PCDHGA2: variants seen among roughly 807,000 people sequenced by gnomAD.
PCDHGA2 encodes protocadherin gamma-A2.
A neutral mutation model predicts 59.2 loss-of-function variants in PCDHGA2; 40 were observed. The ratio of observed to expected loss-of-function variants is 0.68; its 90% CI spans 0.52 to 0.88. The LOEUF (loss-of-function observed/expected upper bound fraction) is 0.88, where lower values mean the gene tolerates loss of function less well. Ranked by LOEUF, PCDHGA2 falls within the 40% of genes least tolerant of loss-of-function variation. The probability of loss-of-function intolerance (pLI) is 0.00; values close to 1 mark genes in which losing one functional copy is unlikely to be tolerated. For missense variants in PCDHGA2, 1,226 were observed against 1,204.0 expected, an observed-to-expected ratio of 1.02 and a Z score of -0.27; for synonymous variants, 560 against 526.0, an observed-to-expected ratio of 1.06 and a Z score of -0.89.
chr5:141,353,683 A>G (rs1230591796), intron 1 of PCDHGA2, among the ~76,000 whole-genome samples: 1 of 152,236 alleles, frequency 6.6e-6, no homozygotes, highest in African/African-American at 2.4e-5. Flanking sequence ...TTGGGTTTAT[A>G]AAGCGTTTTC....
intron 1 of PCDHGA2, chr5:141,360,747 G>T: frequency 6.2e-7 from 1 of 1,613,922 alleles, no homozygotes; most frequent in South Asian, 1.1e-5. Flanking sequence ...ACAGAGAAGA[G>T]CACAGTTTAC....
intron 1 of PCDHGA2, among the ~76,000 whole-genome samples, chr5:141,369,266 C>T (rs1021396846): frequency 2.0e-5 from 3 of 152,132 alleles, no homozygotes; most frequent in African/African-American, 7.2e-5. Context: ...ATTATAAGGA[C>T]TTACAATTCA....
chr5:141,492,320 G>A (rs1001784912), intron 1 of PCDHGA2, among the ~76,000 whole-genome samples: 1 of 152,206 alleles, frequency 6.6e-6, no homozygotes. Flanking sequence ...CTCCTCGCAC[G>A]TGGGCTTACG....
Position 141,339,679 on chromosome 5 carries a change from C to A in PCDHGA2, c.708C>A (p.Asn236Lys), listed in dbSNP as rs780890737. The A allele has an allele frequency of 1.2e-6, 2 of 1,614,156 alleles. No homozygotes were observed. Among genetic ancestry groups the A allele is most frequent in the Non-Finnish European group, 8.5e-7 (1 of 1,180,030 alleles). The change falls in exon 1 of 4, where the codon AAC becomes AAA. Residue 236 changes from asparagine to lysine, a missense_variant. By Grantham distance (94) the Asn-to-Lys change is moderately conservative. Coordinates refer to ENST00000394576, the MANE Select transcript of PCDHGA2 (RefSeq NM_018915.4). ...SRICVKVLDANDNAPVFTQPE... is the reference protein window; with the variant it reads ...SRICVKVLDAKDNAPVFTQPE... Reference sequence around the variant, plus strand: ...TCTGCGTGAAGGTCCTGGATGCGAACGACAATGCGCCTGTTTTTACACAGC... The same window carrying A: ...TCTGCGTGAAGGTCCTGGATGCGAAAGACAATGCGCCTGTTTTTACACAGC...
intron 1 of PCDHGA2, chr5:141,371,031 ACAG>A (rs763935015): frequency 6.2e-7 from 1 of 1,613,990 alleles, no homozygotes; most frequent in East Asian, 2.2e-5. Context: ...CCTGGTCCTC[ACAG>A]CTGTGGATGG....
At chr5:141,440,106 T>A (rs1288263875) in intron 1 of PCDHGA2, 1 of 152,228 alleles carries the variant, frequency 6.6e-6, no homozygotes, top group East Asian at 1.9e-4. Flanking sequence ...AGTGGAGACT[T>A]ACTTGTGAAT....
At chr5:141,418,632 G>A in intron 1 of PCDHGA2, 1 of 1,614,028 alleles carries the variant, frequency 6.2e-7, no homozygotes, top group Non-Finnish European at 8.5e-7. Flanking sequence ...GTGCCTCCAG[G>A]CACCTCCATC....
rs1266068276 is a variant in PCDHGA2 at position 141,418,847 on chromosome 5, C to T, written c.2425-75960C>T. 1.2e-6 allele frequency: 2 copies of T among 1,613,972 alleles called. No individual in the cohort carries two copies. The highest frequency in any genetic ancestry group is 1.3e-5 in the African/African-American group (1 of 75,054). On this transcript the variant is annotated intron_variant, in intron 1 of 3. Transcript: ENST00000394576. ...AAAAGACCGAGGATCTCTCTCAACACGGTGTAAAGTAATTGTAGAAGTTGT... is the reference window on the plus strand; with the variant it reads ...AAAAGACCGAGGATCTCTCTCAACATGGTGTAAAGTAATTGTAGAAGTTGT...
At chr5:141,352,240 C>T in intron 1 of PCDHGA2, 1 of 1,614,078 alleles carries the variant, frequency 6.2e-7, no homozygotes, top group Non-Finnish European at 8.5e-7. Context: ...ACCTAATCTT[C>T]GCGGATAGCC....
intron 1 of PCDHGA2, chr5:141,384,902 T>A: frequency 3.1e-6 from 5 of 1,613,898 alleles, no homozygotes; most frequent in Non-Finnish European, 4.2e-6. Flanking sequence ...GCTGACAGCA[T>A]CCCCGAAGTC....
chr5:141,470,444 A>G (rs970120314), intron 1 of PCDHGA2, among the ~76,000 whole-genome samples: 8 of 152,222 alleles, frequency 5.3e-5, no homozygotes, highest in African/African-American at 1.9e-4. Context: ...ATAATTTAAT[A>G]GCATCTTGAA....
At chr5:141,380,987 C>G (rs1776914459) in intron 1 of PCDHGA2, among the ~76,000 whole-genome samples, 1 of 152,202 alleles carries the variant, frequency 6.6e-6, no homozygotes. Context: ...GAATTTAACT[C>G]CAGTTTACAG....
intron 1 of PCDHGA2, chr5:141,345,811 C>T (rs1757645365): frequency 6.2e-6 from 10 of 1,613,738 alleles, no homozygotes; most frequent in Non-Finnish European, 8.5e-6. Flanking sequence ...AAGGTGGTGG[C>T]GGTGGACAGA....
chr5:141,399,093 A>C, intron 1 of PCDHGA2: 1 of 1,613,820 alleles, frequency 6.2e-7, no homozygotes. Flanking sequence ...ATGGTGGTGG[A>C]CTGGTTGCAC....
At chr5:141,496,760 G>A (rs144857340) in intron 2 of PCDHGA2, among the ~76,000 whole-genome samples, 4 of 152,108 alleles carry the variant, frequency 2.6e-5, no homozygotes, top group East Asian at 1.9e-4. Context: ...AATATTTATC[G>A]AGCATCTACT....
At chr5:141,409,388 T>C in intron 1 of PCDHGA2, 1 of 1,614,018 alleles carries the variant, frequency 6.2e-7, no homozygotes, top group Non-Finnish European at 8.5e-7. Flanking sequence ...CAAGATTTAT[T>C]CTTCTTCCAA....
intron 2 of PCDHGA2, among the ~76,000 whole-genome samples, chr5:141,497,336 A>G (rs558221190): frequency 1.6e-3 from 251 of 152,122 alleles, no homozygotes; most frequent in Non-Finnish European, 2.8e-3. Flanking sequence ...TTCACCATTG[A>G]ACCTGGAAGC....
In PCDHGA2 at chr5:141,476,432, G is replaced by T; in HGVS notation, c.2425-18375G>T. 6.2e-7 allele frequency: 1 copy of T among 1,614,116 alleles called. No individual in the cohort carries two copies. The highest frequency in any genetic ancestry group is 8.5e-7 in the Non-Finnish European group (1 of 1,180,028). ...GTGTGGGACACTGCCCTCTTGCACT[G>T]TAACTCTGGAGTTGGTAGTGGAGAA... On this transcript the variant is annotated intron_variant, in intron 1 of 3. Coordinates refer to ENST00000394576, the MANE Select transcript of PCDHGA2 (RefSeq NM_018915.4). The surrounding 1 kb of genome is among the most constrained non-coding windows in gnomAD (Gnocchi z 7.6).
intron 1 of PCDHGA2, chr5:141,394,168 T>A (rs1291860578): frequency 1.7e-5 from 27 of 1,613,634 alleles, no homozygotes; most frequent in Non-Finnish European, 2.2e-5. Flanking sequence ...CCTCCTACTT[T>A]CCCTCATGCC....
Sources: allele counts gnomAD v4.1 joint callset (sites outside exome capture counted in the v4.1 genomes callset), GRCh38; gene constraint gnomAD v4.1.1; non-coding constraint Gnocchi (gnomAD v3.1); transcripts MANE v1.5; gene names NCBI Gene and HGNC (gene_info 2026-07-23, HGNC 2026-07-21).